Variants in SLC24A4 observed in about 807,000 individuals in gnomAD.
The protein encoded by SLC24A4 is solute carrier family 24 member 4, also known as sodium/potassium/calcium exchanger 4.
SLC24A4 carries 53 observed loss-of-function variants against 79.0 expected under a neutral mutation model. The observed-to-expected ratio is 0.67, with a 90% CI of 0.54 to 0.84. SLC24A4 has a LOEUF of 0.84. Among genes scored for constraint, SLC24A4 ranks in the 40% least tolerant of loss-of-function variants. SLC24A4 has a pLI of 0.00. For synonymous variants in SLC24A4, 323 were observed against 323.8 expected (o/e 1.00, Z 0.03); for missense variants, 731 against 822.0 (o/e 0.89, Z 1.35).
intron 2 of SLC24A4, among the ~76,000 whole-genome samples, chr14:92,372,921 C>CCTTCG (rs1888262901): frequency 8.8e-6 from 1 of 113,052 alleles, no homozygotes; most frequent in Non-Finnish European, 1.9e-5. Context: ...TCCTTCCTTT[C>CCTTCG]TTTCTCTTTC....
chr14:92,358,429 C>G (rs553331972), intron 2 of SLC24A4, among the ~76,000 whole-genome samples: 1 of 152,256 alleles, frequency 6.6e-6, no homozygotes, highest in East Asian at 1.9e-4. Flanking sequence ...TACACGCCAT[C>G]TGTAGGTGCT....
At chr14:92,407,857 T>TTGTGTG (rs60398538) in intron 2 of SLC24A4, among the ~76,000 whole-genome samples, 2,765 of 143,614 alleles carry the variant, frequency 0.019, 51 homozygotes, top group African/African-American at 0.041. Flanking sequence ...CAGAGTGATA[T>TTGTGTG]TGTGTGTGTG....
chr14:92,445,161 A>C (rs1892727397), intron 7 of SLC24A4, 156 bp from the exon 8 acceptor site: 4 of 822,696 alleles, frequency 4.9e-6, no homozygotes, highest in Non-Finnish European at 8.4e-6. Context: ...GGCTACACTA[A>C]GGAAAGGCCC....
At chr14:92,413,737 G>A (rs1890842936) in intron 2 of SLC24A4, among the ~76,000 whole-genome samples, 2 of 152,220 alleles carry the variant, frequency 1.3e-5, no homozygotes, top group Admixed American at 1.3e-4. Context: ...AGACCTGCTG[G>A]TTGTATAGGA....
At chr14:92,324,952 G>A (rs139181987) in intron 1 of SLC24A4, among the ~76,000 whole-genome samples, 22 of 152,266 alleles carry the variant, frequency 1.4e-4, no homozygotes, top group Middle Eastern at 3.4e-3. Context: ...ACTGCCTTTC[G>A]AAACCTAAAC....
intron 2 of SLC24A4, among the ~76,000 whole-genome samples, chr14:92,368,596 T>C (rs1887983728): frequency 6.6e-6 from 1 of 152,170 alleles, no homozygotes. Flanking sequence ...AAGGATTTTT[T>C]TGGAAAGCTA....
chr14:92,341,104 C>T (rs941245002), intron 2 of SLC24A4, among the ~76,000 whole-genome samples: 37 of 152,326 alleles, frequency 2.4e-4, no homozygotes, highest in South Asian at 4.1e-4. Context: ...TCACACCACA[C>T]AAGCAGCAGG....
chr14:92,442,181 A>G lies in SLC24A4; in HGVS notation c.478+8A>G. The G allele has an allele frequency of 6.2e-7, 1 of 1,611,756 alleles. No homozygotes were observed. Among genetic ancestry groups the G allele is most frequent in the Non-Finnish European group, 8.5e-7 (1 of 1,178,588 alleles). On this transcript the variant is annotated splice_region_variant and intron_variant, in intron 5 of 16. Coordinates refer to ENST00000532405, the MANE Select transcript of SLC24A4 (RefSeq NM_153646.4). The stretch of plus-strand genomic sequence containing the variant: ...TGTTTGCGTCTGTTATTGGTAAGAA[A>G]TCCCCTCCAGCCTGAGACACAGGAT...
intron 12 of SLC24A4, among the ~76,000 whole-genome samples, chr14:92,479,565 G>T (rs1054921156): frequency 6.6e-6 from 1 of 152,226 alleles, no homozygotes; most frequent in Non-Finnish European, 1.5e-5. Context: ...CCACTTGGTG[G>T]TGGTGTATAA....
intron 12 of SLC24A4, among the ~76,000 whole-genome samples, chr14:92,459,325 G>C (rs976950130): frequency 6.6e-6 from 1 of 152,198 alleles, no homozygotes; most frequent in Non-Finnish European, 1.5e-5. Context: ...CCTCTGGACA[G>C]GTCACTTCCC....
intron 8 of SLC24A4, among the ~76,000 whole-genome samples, chr14:92,445,774 T>C (rs1892765230): frequency 6.6e-6 from 1 of 152,098 alleles, no homozygotes; most frequent in South Asian, 2.1e-4. Context: ...GATCCCTACC[T>C]CACACCTTAT....
chr14:92,337,900 T>C (rs1885905597), intron 2 of SLC24A4, among the ~76,000 whole-genome samples: 1 of 152,196 alleles, frequency 6.6e-6, no homozygotes, highest in South Asian at 2.1e-4. Context: ...TAAACTGAAG[T>C]ATAACTTCAC....
intron 12 of SLC24A4, among the ~76,000 whole-genome samples, chr14:92,470,494 T>G (rs1173698690): frequency 2.0e-5 from 3 of 152,250 alleles, no homozygotes; most frequent in Non-Finnish European, 4.4e-5. Context: ...TCCAGTCTGA[T>G]TAGCCATCTG....
At chr14:92,426,925 A>G (rs1344073517) in intron 2 of SLC24A4, among the ~76,000 whole-genome samples, 2 of 152,210 alleles carry the variant, frequency 1.3e-5, no homozygotes, top group Non-Finnish European at 2.9e-5. Context: ...CAAGGCTTAG[A>G]AGGTGGGGTT....
chr14:92,493,794 G>GACAAA lies in SLC24A4; in HGVS notation c.*166_*167insACAAA. 3.7e-6 allele frequency: 3 copies of GACAAA among 801,576 alleles called. No homozygotes were observed. Among genetic ancestry groups the GACAAA allele is most frequent in the Non-Finnish European group, 5.8e-6 (3 of 520,544 alleles). The allele number at this position is 801,576 out of a possible 1,614,324, so 49.7% of individuals were successfully genotyped here. A position where few individuals can be genotyped will look rare whatever the true frequency, so the allele number is the denominator to read the frequency against. ...GTGGTCTTTGTCTGGCCACAGGCCA[G>GACAAA]GCTGCTGGGCATCCTCCTCCTCCTT... On this transcript the variant is annotated 3_prime_UTR_variant, in exon 17 of 17. Coordinates refer to ENST00000532405, the MANE Select transcript of SLC24A4 (RefSeq NM_153646.4).
chr14:92,483,021 AG>A (rs1895149721), intron 13 of SLC24A4, among the ~76,000 whole-genome samples, 175 bp downstream of exon 13: 3 of 148,848 alleles, frequency 2.0e-5, no homozygotes, highest in Admixed American at 2.0e-4. Flanking sequence ...ACTCTGTGTC[AG>A]GTACCCGGAA....
intron 2 of SLC24A4, among the ~76,000 whole-genome samples, chr14:92,421,674 AT>A (rs1161047984): frequency 6.6e-6 from 1 of 151,912 alleles, no homozygotes; most frequent in Non-Finnish European, 1.5e-5. Flanking sequence ...TGCCCGGCTA[AT>A]TTTTATATTT....
At chr14:92,449,623 C>T (rs10135151) in intron 10 of SLC24A4, among the ~76,000 whole-genome samples, 2,221 of 152,290 alleles carry the variant, frequency 0.015, 68 homozygotes, top group African/African-American at 0.051. Context: ...GGCCTCCCTG[C>T]GGTTTCTCAA....
intron 2 of SLC24A4, among the ~76,000 whole-genome samples, chr14:92,390,010 A>G (rs1889376830): frequency 6.6e-6 from 1 of 152,104 alleles, no homozygotes; most frequent in Non-Finnish European, 1.5e-5. Context: ...TCTGCAGGAC[A>G]GCAGTGTTTT....
Sources: allele counts gnomAD v4.1 joint callset (sites outside exome capture counted in the v4.1 genomes callset), GRCh38; gene constraint gnomAD v4.1.1; transcripts MANE v1.5; gene names NCBI Gene and HGNC (gene_info 2026-07-23, HGNC 2026-07-21).